The following SYT14 variants were observed in gnomAD, a reference collection of about 807,000 sequenced individuals.
SYT14 encodes synaptotagmin 14.
A neutral mutation model predicts 74.2 loss-of-function variants in SYT14; 32 were observed. The observed-to-expected ratio is 0.43, with a 90% CI of 0.33 to 0.58. The LOEUF (loss-of-function observed/expected upper bound fraction) is 0.58. Among genes scored for constraint, SYT14 ranks in the 20% least tolerant of loss-of-function variants. SYT14 has a pLI of 0.05. For missense variants in SYT14, 791 were observed against 981.8 expected, an observed-to-expected ratio of 0.81 and a Z score of 2.60; for synonymous variants, 298 against 337.7, an observed-to-expected ratio of 0.88 and a Z score of 1.29.
At chr1:210,051,208 G>T (rs2080988260) in intron 5 of SYT14, among the ~76,000 whole-genome samples, 1 of 152,114 alleles carries the variant, frequency 6.6e-6, no homozygotes. Flanking sequence ...TTTAGGTATT[G>T]CTACTTAAAT....
chr1:210,112,283 G>A (rs1240794727), intron 7 of SYT14, among the ~76,000 whole-genome samples: 3 of 151,142 alleles, frequency 2.0e-5, no homozygotes, highest in African/African-American at 4.9e-5. Context: ...GAAGGGAGGG[G>A]GCCTGAACAA....
exon 5 of SYT14, chr1:210,021,212 G>T (rs148481999): frequency 6.2e-7 from 1 of 1,613,840 alleles, no homozygotes; most frequent in African/African-American, 1.3e-5. Context: ...TCCTCTATCG[G>T]CAGAGTATGA....
At chr1:210,170,695 GT>G (rs2083515269) in exon 10 of SYT14, 2 of 151,982 alleles carry the variant, frequency 1.3e-5, no homozygotes, top group Non-Finnish European at 2.9e-5. Context: ...ACAAATAAAT[GT>G]TAATATGACT....
chr1:209,943,373 C>T (rs537141792), intron 1 of SYT14, among the ~76,000 whole-genome samples: 6 of 151,952 alleles, frequency 3.9e-5, no homozygotes, highest in South Asian at 2.1e-4. Context: ...GGTGTAGTGG[C>T]GCATACCTGT....
chr1:210,144,147 T>C (rs2082981053), intron 7 of SYT14, among the ~76,000 whole-genome samples: 1 of 152,188 alleles, frequency 6.6e-6, no homozygotes, highest in Non-Finnish European at 1.5e-5. Context: ...CAGTGCAATG[T>C]ATTTCTTTTG....
chr1:210,036,267 C>T (rs866393156), intron 5 of SYT14, among the ~76,000 whole-genome samples: 9 of 152,036 alleles, frequency 5.9e-5, no homozygotes, highest in South Asian at 2.1e-4. Context: ...CTGATTTCTG[C>T]TCATTGATTT....
chr1:209,995,689 C>T (rs914985285), intron 2 of SYT14, among the ~76,000 whole-genome samples: 7 of 152,158 alleles, frequency 4.6e-5, no homozygotes, highest in Non-Finnish European at 8.8e-5. Context: ...ACATTCTTCT[C>T]ATATGCATAC....
At chr1:210,044,297 G>T (rs2080846942) in intron 5 of SYT14, among the ~76,000 whole-genome samples, 1 of 152,032 alleles carries the variant, frequency 6.6e-6, no homozygotes, top group African/African-American at 2.4e-5. Context: ...GTTCAAGTTG[G>T]TTTTGTTTTA....
chr1:210,015,301 G>A (rs542043331), intron 3 of SYT14, among the ~76,000 whole-genome samples: 2 of 152,206 alleles, frequency 1.3e-5, no homozygotes, highest in East Asian at 3.9e-4. Context: ...GTACTCCCTT[G>A]CTGTTATTGT....
intron 7 of SYT14, among the ~76,000 whole-genome samples, chr1:210,104,965 T>C (rs2082132722): frequency 6.6e-6 from 1 of 152,192 alleles, no homozygotes; most frequent in Non-Finnish European, 1.5e-5. Flanking sequence ...ATGTGTTTCA[T>C]CTTGAAATAA....
intron 5 of SYT14, among the ~76,000 whole-genome samples, chr1:210,091,379 GA>G (rs1214616291): frequency 5.9e-5 from 9 of 151,974 alleles, no homozygotes; most frequent in Non-Finnish European, 1.5e-5. Context: ...ACCACAGGCA[GA>G]AAAAAAATAC....
chr1:210,125,177 A>AG (rs1285791513), intron 7 of SYT14, among the ~76,000 whole-genome samples: 1 of 152,062 alleles, frequency 6.6e-6, no homozygotes, highest in Non-Finnish European at 1.5e-5. Flanking sequence ...TAGTGAGCAT[A>AG]GTACCCAATG....
At chr1:209,979,410 G>A (rs1471213337) in intron 2 of SYT14, among the ~76,000 whole-genome samples, 2 of 152,000 alleles carry the variant, frequency 1.3e-5, no homozygotes, top group African/African-American at 2.4e-5. Context: ...GGATGAGATG[G>A]TTTTCTTGAG....
chr1:210,039,658 A>C (rs1290416317), intron 5 of SYT14, among the ~76,000 whole-genome samples: 1 of 152,196 alleles, frequency 6.6e-6, no homozygotes. Context: ...TAATATCCAG[A>C]ATCTACAAAG....
At chr1:210,025,822 AT>A (rs1322878653) in intron 5 of SYT14, among the ~76,000 whole-genome samples, 2 of 152,114 alleles carry the variant, frequency 1.3e-5, no homozygotes, top group African/African-American at 4.8e-5. Context: ...CTTTAAGTTG[AT>A]TTTTTTAACC....
At chr1:210,074,737 C>T (rs1369592977) in intron 5 of SYT14, among the ~76,000 whole-genome samples, 1 of 152,168 alleles carries the variant, frequency 6.6e-6, no homozygotes, top group Non-Finnish European at 1.5e-5. Flanking sequence ...TGGATTGCTT[C>T]TTCAGTGCCC....
intron 7 of SYT14, among the ~76,000 whole-genome samples, chr1:210,118,908 T>A (rs1488326594): frequency 1.3e-5 from 2 of 152,192 alleles, no homozygotes; most frequent in African/African-American, 4.8e-5. Context: ...TTCTTTTCTT[T>A]AATCATTTTC....
At chr1:210,118,445 G>A (rs932604966) in intron 7 of SYT14, among the ~76,000 whole-genome samples, 1 of 151,936 alleles carries the variant, frequency 6.6e-6, no homozygotes, top group African/African-American at 2.4e-5. Context: ...CAGTGTTCCC[G>A]AGTAAGTTCC....
intron 5 of SYT14, among the ~76,000 whole-genome samples, chr1:210,032,291 TTAAA>T (rs1295895314): frequency 1.3e-5 from 2 of 152,046 alleles, no homozygotes; most frequent in African/African-American, 4.8e-5. Context: ...GGAAAAATAA[TTAAA>T]TAAGCAGTGT....
Sources: allele counts gnomAD v4.1 joint callset (sites outside exome capture counted in the v4.1 genomes callset), GRCh38; gene constraint gnomAD v4.1.1; transcripts MANE v1.5; gene names NCBI Gene and HGNC (gene_info 2026-07-23, HGNC 2026-07-21).